Variants in PABPC4L observed in about 807,000 individuals in gnomAD.
PABPC4L encodes poly(A) binding protein cytoplasmic 4 like.
For missense variants in PABPC4L, 452 were observed against 451.4 expected (o/e 1.00, Z -0.01); for synonymous variants, 169 against 164.1 (o/e 1.03, Z -0.23).
chr4:134,055,194 A>G, the PABPC4L span, among the ~76,000 whole-genome samples: 1 of 152,040 alleles, frequency 6.6e-6, no homozygotes, highest in African/African-American at 2.4e-5. Flanking sequence ...CTTTATTTGG[A>G]GATAAATATG....
the PABPC4L span, among the ~76,000 whole-genome samples, chr4:133,955,458 G>C: frequency 6.6e-6 from 1 of 151,990 alleles, no homozygotes. Flanking sequence ...CTTAAGCTCT[G>C]AATTTTTATT....
At chr4:133,958,355 A>G in the PABPC4L span, among the ~76,000 whole-genome samples, 1 of 152,158 alleles carries the variant, frequency 6.6e-6, no homozygotes. Flanking sequence ...CCATATCACT[A>G]TCAGCATTTT....
At chr4:134,078,760 C>T in the PABPC4L span, among the ~76,000 whole-genome samples, 1 of 150,852 alleles carries the variant, frequency 6.6e-6, no homozygotes, top group Admixed American at 6.6e-5. Context: ...TCAAGCCTTT[C>T]TCCTGCCTCA....
the PABPC4L span, among the ~76,000 whole-genome samples, chr4:134,044,454 C>T: frequency 1.3e-5 from 2 of 151,812 alleles, no homozygotes; most frequent in South Asian, 2.1e-4. Flanking sequence ...TTAATAGAGA[C>T]GGTGTTTCAC....
the PABPC4L span, among the ~76,000 whole-genome samples, chr4:134,140,780 C>T: frequency 6.6e-6 from 1 of 151,516 alleles, no homozygotes; most frequent in African/African-American, 2.4e-5. Flanking sequence ...TTATGTTGAG[C>T]ATAGTTTTGG....
the PABPC4L span, among the ~76,000 whole-genome samples, chr4:134,186,042 C>A: frequency 3.9e-5 from 6 of 152,194 alleles, no homozygotes; most frequent in South Asian, 1.0e-3. Context: ...AAAGAGGACA[C>A]AAACAAATGG....
At chr4:134,049,160 G>A in the PABPC4L span, among the ~76,000 whole-genome samples, 1 of 151,998 alleles carries the variant, frequency 6.6e-6, no homozygotes, top group South Asian at 2.1e-4. Flanking sequence ...AATGCTTTAA[G>A]AGTTGAATAC....
the PABPC4L span, among the ~76,000 whole-genome samples, chr4:134,042,487 G>A: frequency 6.6e-6 from 1 of 152,002 alleles, no homozygotes; most frequent in Non-Finnish European, 1.5e-5. Context: ...TTATAATTAT[G>A]TTTCGTTCTC....
the PABPC4L span, among the ~76,000 whole-genome samples, chr4:134,190,182 T>C: frequency 6.6e-6 from 1 of 152,174 alleles, no homozygotes; most frequent in Non-Finnish European, 1.5e-5. Context: ...TGAGCCTCTG[T>C]TCTGCTAAAC....
At chr4:134,176,447 C>T in the PABPC4L span, among the ~76,000 whole-genome samples, 1,069 of 151,986 alleles carry the variant, frequency 7.0e-3, 19 homozygotes, top group African/African-American at 0.024. Context: ...AGACCAGCCT[C>T]GGCAAAACAG....
chr4:134,062,663 G>A, the PABPC4L span, among the ~76,000 whole-genome samples: 1 of 152,038 alleles, frequency 6.6e-6, no homozygotes, highest in Non-Finnish European at 1.5e-5. Context: ...AATGGTAGAT[G>A]ATGAAATCAA....
the PABPC4L span, among the ~76,000 whole-genome samples, chr4:133,992,817 C>T: frequency 2.0e-5 from 3 of 152,280 alleles, no homozygotes; most frequent in South Asian, 6.2e-4. Context: ...GTGCAGGATT[C>T]ACTCAGCCTC....
the PABPC4L span, among the ~76,000 whole-genome samples, chr4:134,018,033 C>A: frequency 6.6e-6 from 1 of 152,106 alleles, no homozygotes; most frequent in Admixed American, 6.6e-5. Context: ...ACGTACACAT[C>A]CAGATGGCCG....
the PABPC4L span, among the ~76,000 whole-genome samples, chr4:134,030,511 G>A: frequency 6.6e-6 from 1 of 151,906 alleles, no homozygotes; most frequent in African/African-American, 2.4e-5. Context: ...CTTCTGCAAT[G>A]AGCTATAAAA....
chr4:134,123,850 A>G, the PABPC4L span, among the ~76,000 whole-genome samples: 1 of 152,020 alleles, frequency 6.6e-6, no homozygotes, highest in South Asian at 2.1e-4. Flanking sequence ...ACAGGTGTAA[A>G]TGATCTCCAG....
chr4:133,954,879 G>A, the PABPC4L span, among the ~76,000 whole-genome samples: 2 of 152,050 alleles, frequency 1.3e-5, no homozygotes, highest in African/African-American at 4.8e-5. Flanking sequence ...CCCCACAGGA[G>A]AGAAAGATGG....
the PABPC4L span, among the ~76,000 whole-genome samples, chr4:134,160,266 G>A: frequency 1.2e-4 from 19 of 152,220 alleles, no homozygotes; most frequent in African/African-American, 3.6e-4. Context: ...GCAGCCCAGT[G>A]CAGAGAGAGA....
At chr4:134,140,296 T>G in the PABPC4L span, among the ~76,000 whole-genome samples, 1 of 151,926 alleles carries the variant, frequency 6.6e-6, no homozygotes, top group African/African-American at 2.4e-5. Context: ...TGGTAATTAT[T>G]TCATTATATA....
chr4:134,029,861 G>A, the PABPC4L span, among the ~76,000 whole-genome samples: 1 of 151,904 alleles, frequency 6.6e-6, no homozygotes, highest in Non-Finnish European at 1.5e-5. Context: ...CACATATTGT[G>A]GGAGAGACCG....
Sources: gnomAD v4.1 joint callset for allele counts (sites outside exome capture counted in the v4.1 genomes callset) on GRCh38, gnomAD v4.1.1 for gene constraint, MANE v1.5 for transcripts, NCBI Gene and HGNC (gene_info 2026-07-23, HGNC 2026-07-21) for gene names.